Variants in KLRF1 observed in about 807,000 individuals in gnomAD.
KLRF1 encodes killer cell lectin like receptor F1.
KLRF1 carries 27 observed loss-of-function variants against 30.7 expected under a neutral mutation model. That is an observed-to-expected ratio of 0.88 (90% confidence interval 0.65 to 1.21). The LOEUF is 1.21. Ranked by LOEUF, KLRF1 falls within the 50% of genes most tolerant of loss-of-function variation. The pLI is 0.00. For missense variants in KLRF1, 246 were observed against 259.3 expected (o/e 0.95, Z 0.35); for synonymous variants, 92 against 89.3 (o/e 1.03, Z -0.17).
rs1591762601 is a variant in KLRF1 at position 9,841,927 on chromosome 12, A to G, written c.450A>G (p.Leu150=). The change falls in exon 4 of 6, where the codon CTA becomes CTG. Residue 150 remains leucine, a synonymous_variant. Transcript: ENST00000617889. The part of the protein sequence containing the change: ...VYCLERKSHL[L]IIHDQLEMAF... ...GTTTGGAAAGAAAATCTCATCTACT[A>G]ATCATACATGACCAACTTGAAATGG... The G allele has an allele frequency of 6.2e-7, 1 of 1,612,252 alleles. No homozygotes were observed. Among genetic ancestry groups the G allele is most frequent in the Non-Finnish European group, 8.5e-7 (1 of 1,178,868 alleles).
At chr12:9,842,671 TTGAA>T (rs1479030898) in intron 5 of KLRF1, among the ~76,000 whole-genome samples, 1 of 152,142 alleles carries the variant, frequency 6.6e-6, no homozygotes, top group African/African-American at 2.4e-5. Context: ...GAAAAGTAGA[TTGAA>T]TGAATGCAGT....
At chr12:9,809,247 A>T in the KLRF1 span, among the ~76,000 whole-genome samples, 3 of 152,168 alleles carry the variant, frequency 2.0e-5, no homozygotes, top group African/African-American at 7.2e-5. Context: ...TCAAAATAAG[A>T]TTGTGTGAAG....
the KLRF1 span, among the ~76,000 whole-genome samples, chr12:9,821,606 C>A: frequency 6.6e-6 from 1 of 152,154 alleles, no homozygotes; most frequent in East Asian, 1.9e-4. Flanking sequence ...AAATAAAAGA[C>A]CTTCAGCCAC....
chr12:9,827,819 A>G (rs554689490), intron 1 of KLRF1, among the ~76,000 whole-genome samples, 190 bp downstream of exon 1: 114 of 152,166 alleles, frequency 7.5e-4, no homozygotes, highest in Non-Finnish European at 1.6e-3. Context: ...CTTACCATTT[A>G]AGAAACACCA....
In KLRF1 at chr12:9,844,281, C is replaced by T. The variant is rs139717730; in HGVS notation, c.588-137C>T. 32 of 547,202 alleles carry T rather than the reference C, an allele frequency of 5.8e-5. No homozygotes were observed. In the East Asian group the frequency reaches 8.9e-4, roughly 15 times the overall value. 33.9% of individuals were successfully genotyped at this position (547,202 alleles called of 1,614,324 possible). A position where few individuals can be genotyped will look rare whatever the true frequency, so the allele number is the denominator to read the frequency against. On this transcript the variant is annotated intron_variant, in intron 5 of 5. Transcript: ENST00000617889. ...AAGGCTAAGTTACAGTTACTGTAAT[C>T]GTTAGTGAATCCAAGTATGTAAAAA...
chr12:9,811,689 T>G, the KLRF1 span, among the ~76,000 whole-genome samples: 4 of 152,190 alleles, frequency 2.6e-5, no homozygotes, highest in Admixed American at 2.6e-4. Flanking sequence ...AGACTTTATT[T>G]TCAGAGGGAA....
At chr12:9,802,876 C>T in the KLRF1 span, among the ~76,000 whole-genome samples, 1 of 151,994 alleles carries the variant, frequency 6.6e-6, no homozygotes, top group African/African-American at 2.4e-5. Flanking sequence ...ATAAAAATGG[C>T]CATACTGCCC....
At chr12:9,815,750 C>T in the KLRF1 span, among the ~76,000 whole-genome samples, 4 of 152,198 alleles carry the variant, frequency 2.6e-5, no homozygotes, top group Non-Finnish European at 5.9e-5. Context: ...GTCCTTACCA[C>T]AATGTGTAAG....
rs1395656914 is a variant in KLRF1, at chr12:9,832,857, C to T, written c.184+443C>T. Among the ~76,000 whole-genome samples, 7 of 152,034 alleles carry T rather than the reference C, an allele frequency of 4.6e-5. No homozygotes were observed. In the South Asian group the frequency reaches 1.0e-3, roughly 23 times the overall value. On this transcript the variant is annotated intron_variant, in intron 2 of 5. Coordinates refer to ENST00000617889, the MANE Select transcript of KLRF1 (RefSeq NM_016523.3). ...ATATTCACCGAGCAGCTACAATACT[C>T]CAAATATTACAAATTCCCCAAAATT...
the KLRF1 span, among the ~76,000 whole-genome samples, chr12:9,815,565 A>G: frequency 1.3e-5 from 2 of 152,040 alleles, no homozygotes; most frequent in African/African-American, 4.8e-5. Flanking sequence ...CTTTTCTTTG[A>G]CTCTGTCCAG....
Position 9,841,853 on chromosome 12 carries a change from T to C in KLRF1, c.376T>C (p.Tyr126His), listed in dbSNP as rs775512535. The C allele has an allele frequency of 6.2e-7, 1 of 1,608,292 alleles. No individual in the cohort carries two copies. Among genetic ancestry groups the C allele is most frequent in the African/African-American group, 1.3e-5 (1 of 74,840 alleles). The change falls in exon 4 of 6, where the codon TAT (tyrosine) becomes CAT (histidine). Residue 126 changes from tyrosine (Y) to histidine (H), a missense_variant. By Grantham distance (83) the Tyr-to-His change is moderately conservative. Transcript: ENST00000617889. ...ATGGCTCAAATACCAAGGGAAGTGTTATTGGTTCTCTAATGAGATGAAAAG... is the reference window on the plus strand; with the variant it reads ...ATGGCTCAAATACCAAGGGAAGTGTCATTGGTTCTCTAATGAGATGAAAAG... Reference protein sequence around the residue: ...SEWLKYQGKCYWFSNEMKSWS... With the variant: ...SEWLKYQGKCHWFSNEMKSWS...
chr12:9,834,821 G>T (rs1055358794), intron 3 of KLRF1, among the ~76,000 whole-genome samples: 11 of 151,926 alleles, frequency 7.2e-5, no homozygotes, highest in Non-Finnish European at 1.3e-4. Flanking sequence ...GATTGATTTA[G>T]GTAAAAACAA....
intron 3 of KLRF1, among the ~76,000 whole-genome samples, chr12:9,836,540 T>C (rs549930818): frequency 2.9e-4 from 44 of 152,152 alleles, no homozygotes; most frequent in Non-Finnish European, 5.9e-4. Context: ...TTTTGATACT[T>C]AACTGATCAT....
the KLRF1 span, among the ~76,000 whole-genome samples, chr12:9,801,344 C>T: frequency 6.6e-6 from 1 of 151,852 alleles, no homozygotes; most frequent in South Asian, 2.1e-4. Context: ...ATGATTTATG[C>T]TCCTTTGGGT....
At chr12:9,815,217 A>G in the KLRF1 span, among the ~76,000 whole-genome samples, 38,283 of 152,182 alleles carry the variant, frequency 0.25, 5,006 homozygotes, top group Admixed American at 0.31. Flanking sequence ...TGCACCTTCA[A>G]ATTAACTTGA....
the KLRF1 span, among the ~76,000 whole-genome samples, chr12:9,800,386 G>C: frequency 6.6e-6 from 1 of 152,078 alleles, no homozygotes; most frequent in South Asian, 2.1e-4. Flanking sequence ...GGTGAATTCT[G>C]AGATTTTATT....
At chr12:9,801,839 G>A in the KLRF1 span, among the ~76,000 whole-genome samples, 1 of 152,064 alleles carries the variant, frequency 6.6e-6, no homozygotes, top group African/African-American at 2.4e-5. Context: ...CTGTGCAGAA[G>A]CTCTTTAGTT....
rs2121187344 is a variant in KLRF1 at position 9,827,643 on chromosome 12, T to A, written c.85+14T>A. 1.4e-6 allele frequency: 2 copies of A among 1,435,608 alleles called. No individual in the cohort carries two copies. The highest frequency in any genetic ancestry group is 1.2e-5 in the South Asian group (1 of 86,918). The allele number at this position is 1,435,608 out of a possible 1,614,324, so 88.9% of individuals were successfully genotyped here. A position where few individuals can be genotyped will look rare whatever the true frequency, so the allele number is the denominator to read the frequency against. The stretch of plus-strand genomic sequence containing the variant: ...TTACATTTAAAGGTATGGAATTTAA[T>A]TTCATTTTTTCAATTGGTGTGAATT... On this transcript the variant is annotated intron_variant, in intron 1 of 5. Transcript: ENST00000617889.
chr12:9,801,381 T>C, the KLRF1 span, among the ~76,000 whole-genome samples: 1 of 152,106 alleles, frequency 6.6e-6, no homozygotes, highest in Admixed American at 6.5e-5. Flanking sequence ...GATTGCTGGG[T>C]CAAATGGTAT....
Sources: allele counts gnomAD v4.1 joint callset (sites outside exome capture counted in the v4.1 genomes callset), GRCh38; gene constraint gnomAD v4.1.1; transcripts MANE v1.5; gene names NCBI Gene and HGNC (gene_info 2026-07-23, HGNC 2026-07-21).